Variants in PBX1 observed in about 807,000 individuals in gnomAD.
PBX1 encodes the protein PBX homeobox 1.
PBX1 carries 6 observed loss-of-function variants against 53.4 expected under a neutral mutation model. The ratio of observed to expected loss-of-function variants is 0.11; its 90% confidence interval spans 0.06 to 0.22. The LOEUF is 0.22. Ranked by LOEUF, PBX1 falls within the 10% of genes least tolerant of loss-of-function variation. The pLI is 1.00. For missense variants in PBX1, 251 were observed against 551.4 expected (o/e 0.46, Z 5.46); for synonymous variants, 204 against 212.3 (o/e 0.96, Z 0.34).
chr1:164,834,536 A>T (rs1221461001), intron 8 of PBX1, among the ~76,000 whole-genome samples: 1 of 151,814 alleles, frequency 6.6e-6, no homozygotes, highest in Non-Finnish European at 1.5e-5. Context: ...GTAGAGACGG[A>T]GTTTCACCAT....
intron 2 of PBX1, among the ~76,000 whole-genome samples, chr1:164,750,707 C>G (rs1223969202): frequency 6.6e-6 from 1 of 152,142 alleles, no homozygotes; most frequent in African/African-American, 2.4e-5. Context: ...TTTTTAAAAA[C>G]CATTTCTTAT....
intron 2 of PBX1, among the ~76,000 whole-genome samples, chr1:164,570,941 A>G (rs1035658495): frequency 6.6e-6 from 1 of 152,030 alleles, no homozygotes; most frequent in Non-Finnish European, 1.5e-5. Flanking sequence ...TTTGATTTGC[A>G]TTTCTCTAAT....
intron 2 of PBX1, among the ~76,000 whole-genome samples, chr1:164,624,116 G>T (rs1478335244): frequency 2.0e-5 from 3 of 152,156 alleles, no homozygotes; most frequent in Non-Finnish European, 4.4e-5. Flanking sequence ...AGGGCTAACT[G>T]TATCTGAAGA....
intron 2 of PBX1, among the ~76,000 whole-genome samples, chr1:164,573,678 G>C (rs942156015): frequency 5.3e-5 from 8 of 152,032 alleles, no homozygotes; most frequent in African/African-American, 1.9e-4. Context: ...TAGAGATGGG[G>C]TTTCACCATG....
At chr1:164,705,219 T>A (rs549502914) in intron 2 of PBX1, among the ~76,000 whole-genome samples, 2 of 152,270 alleles carry the variant, frequency 1.3e-5, no homozygotes, top group South Asian at 4.1e-4. Context: ...GCCAGATGTC[T>A]CCTGGGAGGC....
chr1:164,803,605 G>A (rs527552222), intron 4 of PBX1, among the ~76,000 whole-genome samples: 2 of 152,242 alleles, frequency 1.3e-5, no homozygotes, highest in East Asian at 1.9e-4. Flanking sequence ...TGAAAGCCAC[G>A]AGTCTTTGGG....
At chr1:164,860,054 G>C (rs1369927179) in intron 2 of PBX1, among the ~76,000 whole-genome samples, 1 of 152,188 alleles carries the variant, frequency 6.6e-6, no homozygotes, top group Non-Finnish European at 1.5e-5. Context: ...GGAAGCCCAA[G>C]AAAGCTGCTC....
chr1:164,793,009 A>G (rs1042517287), intron 3 of PBX1, among the ~76,000 whole-genome samples: 2 of 152,220 alleles, frequency 1.3e-5, no homozygotes, highest in Non-Finnish European at 2.9e-5. Flanking sequence ...TAAATCGTGC[A>G]TAGAAGGAAC....
chr1:164,876,235 A>T (rs1672508404), intron 2 of PBX1, among the ~76,000 whole-genome samples: 1 of 152,066 alleles, frequency 6.6e-6, no homozygotes, highest in Non-Finnish European at 1.5e-5. Flanking sequence ...TGATCTTGAT[A>T]AACAGGTTGG....
chr1:164,692,271 AAGTG>A (rs1170389231), intron 2 of PBX1, among the ~76,000 whole-genome samples: 4 of 152,198 alleles, frequency 2.6e-5, no homozygotes, highest in African/African-American at 7.2e-5. Context: ...GGGTAAGTGT[AAGTG>A]AGGATGGTGT....
chr1:164,601,744 G>A (rs1656194056), intron 2 of PBX1, among the ~76,000 whole-genome samples: 1 of 152,162 alleles, frequency 6.6e-6, no homozygotes, highest in Admixed American at 6.5e-5. Flanking sequence ...CAGGGAAGAT[G>A]AAGTGCATTT....
chr1:164,741,140 A>G (rs954867165), intron 2 of PBX1, among the ~76,000 whole-genome samples: 3 of 152,210 alleles, frequency 2.0e-5, no homozygotes, highest in African/African-American at 7.2e-5. Flanking sequence ...CACATTTTCT[A>G]AAACATAAGC....
chr1:164,806,269 CT>C (rs1053988187), intron 4 of PBX1, among the ~76,000 whole-genome samples: 26 of 151,270 alleles, frequency 1.7e-4, no homozygotes, highest in East Asian at 1.9e-4. Flanking sequence ...TCAATTAGCA[CT>C]TTTTTTTTAA....
At chr1:164,812,880 T>C (rs1422352889) in intron 6 of PBX1, 1 of 152,190 alleles carries the variant, frequency 6.6e-6, no homozygotes, top group East Asian at 1.9e-4. Context: ...GCAAAAAATA[T>C]AACCTTTGTG....
At position 164,849,038 on chromosome 1, in the gene PBX1, A is replaced by C. The variant is rs1558044690; in HGVS notation, c.*2362A>C. The C allele has an allele frequency of 1.6e-6, 2 of 1,243,574 alleles. No individual in the cohort carries two copies. Among genetic ancestry groups the C allele is most frequent in the East Asian group, 6.9e-5 (2 of 29,138 alleles). 77.0% of individuals were successfully genotyped at this position (1,243,574 alleles called of 1,614,324 possible). A position where few individuals can be genotyped will look rare whatever the true frequency, so the allele number is the denominator to read the frequency against. On this transcript the variant is annotated 3_prime_UTR_variant, in exon 9 of 9. Coordinates refer to ENST00000420696, the MANE Select transcript of PBX1 (RefSeq NM_002585.4). ...TTGTGACAACTTCATAGTGATTAGA[A>C]TCAGTGGAGAACTCCATCTTAGTGG...
chr1:164,644,816 G>A (rs749731472), intron 2 of PBX1, among the ~76,000 whole-genome samples: 1 of 152,200 alleles, frequency 6.6e-6, no homozygotes, highest in Non-Finnish European at 1.5e-5. Flanking sequence ...GTGTGGGTCA[G>A]TGTATCTTGC....
chr1:164,686,966 ACC>A (rs1662138649), intron 2 of PBX1, among the ~76,000 whole-genome samples: 1 of 150,930 alleles, frequency 6.6e-6, no homozygotes, highest in African/African-American at 2.4e-5. Flanking sequence ...CAAAAAAAAA[ACC>A]AAAAAAACGA....
intron 2 of PBX1, among the ~76,000 whole-genome samples, chr1:164,698,442 G>A (rs1022932981): frequency 5.3e-5 from 8 of 152,086 alleles, no homozygotes; most frequent in Admixed American, 3.9e-4. Flanking sequence ...TGTGTTTGAC[G>A]GTGTTGAGTG....
chr1:164,690,441 A>G (rs535444004), intron 2 of PBX1, among the ~76,000 whole-genome samples: 1 of 152,292 alleles, frequency 6.6e-6, no homozygotes, highest in East Asian at 1.9e-4. Context: ...GCTGCATGTG[A>G]TTAGTCAGTC....
Sources: allele counts gnomAD v4.1 joint callset (sites outside exome capture counted in the v4.1 genomes callset), GRCh38; gene constraint gnomAD v4.1.1; transcripts MANE v1.5; gene names NCBI Gene and HGNC (gene_info 2026-07-23, HGNC 2026-07-21).